The following ACACA variants were observed in gnomAD, a reference collection of about 807,000 sequenced individuals.
ACACA encodes acetyl-CoA carboxylase 1.
In ACACA, 103 loss-of-function variants were observed where a neutral mutation model predicts 296.1. That is an observed-to-expected ratio of 0.35 (90% CI 0.30 to 0.41). The LOEUF (loss-of-function observed/expected upper bound fraction) is 0.41. Among genes scored for constraint, ACACA ranks in the 10% least tolerant of loss-of-function variants. ACACA has a pLI of 1.00. For missense variants in ACACA, 1,554 were observed against 2,989.7 expected, an observed-to-expected ratio of 0.52 and a Z score of 11.20; for synonymous variants, 953 against 1,038.6, an observed-to-expected ratio of 0.92 and a Z score of 1.58.
At chr17:37,316,459 G>C (rs1490691091) in intron 3 of ACACA, among the ~76,000 whole-genome samples, 1 of 151,500 alleles carries the variant, frequency 6.6e-6, no homozygotes, top group Non-Finnish European at 1.5e-5. Context: ...ACTGTTGTGA[G>C]TATTAGAAAT....
chr17:37,345,754 C>G (rs1490282953), intron 1 of ACACA, among the ~76,000 whole-genome samples: 1 of 152,042 alleles, frequency 6.6e-6, no homozygotes, highest in Admixed American at 6.6e-5. Context: ...GAGGGACATT[C>G]TATAAAATAC....
At chr17:37,253,946 G>C (rs909144592) in intron 14 of ACACA, among the ~76,000 whole-genome samples, 2 of 151,990 alleles carry the variant, frequency 1.3e-5, no homozygotes, top group African/African-American at 4.8e-5. Context: ...GCAATGATTT[G>C]CTCATTACTT....
At chr17:37,129,152 G>A (rs927175939) in intron 47 of ACACA, among the ~76,000 whole-genome samples, 4 of 152,202 alleles carry the variant, frequency 2.6e-5, no homozygotes, top group African/African-American at 9.7e-5. Flanking sequence ...CTTAATGGGT[G>A]ATTGGGAAAT....
intron 3 of ACACA, among the ~76,000 whole-genome samples, chr17:37,315,458 C>T (rs1288032453): frequency 2.0e-5 from 3 of 152,136 alleles, no homozygotes; most frequent in African/African-American, 4.8e-5. Flanking sequence ...ATATTAATTA[C>T]CCAGAGTTAG....
chr17:37,238,378 CTCT>C (rs1346316075), intron 24 of ACACA, among the ~76,000 whole-genome samples: 5 of 150,282 alleles, frequency 3.3e-5, no homozygotes, highest in Non-Finnish European at 5.9e-5. Context: ...ACAATGCCTC[CTCT>C]ATCATAAAAT....
intron 1 of ACACA, among the ~76,000 whole-genome samples, chr17:37,363,875 C>A (rs757239413): frequency 1.3e-5 from 2 of 151,948 alleles, no homozygotes; most frequent in African/African-American, 2.4e-5. Context: ...GTAAACCCAG[C>A]ACTTCGGGAG....
At chr17:37,330,077 G>C in intron 3 of ACACA, 96 bp downstream of exon 3, 1 of 1,487,504 alleles carries the variant, frequency 6.7e-7, no homozygotes, top group Non-Finnish European at 9.3e-7. Flanking sequence ...AAAAGGCAAA[G>C]CAGTCTTAGC....
At chr17:37,216,105 G>A in intron 29 of ACACA, among the ~76,000 whole-genome samples, 1 of 137,950 alleles carries the variant, frequency 7.2e-6, no homozygotes, top group African/African-American at 2.8e-5. Flanking sequence ...AGCCTTTAAT[G>A]CTAAGAAGGT....
At chr17:37,268,605 T>C (rs191419813) in intron 10 of ACACA, among the ~76,000 whole-genome samples, 493 of 152,194 alleles carry the variant, frequency 3.2e-3, no homozygotes, top group Non-Finnish European at 5.2e-3. Context: ...TAGCCTCATA[T>C]GTCAGGCTCA....
intron 25 of ACACA, among the ~76,000 whole-genome samples, chr17:37,231,754 A>G (rs183285412): frequency 6.6e-6 from 1 of 152,350 alleles, no homozygotes; most frequent in Admixed American, 6.5e-5. Context: ...GAAGATATGT[A>G]CATTGCCATC....
intron 1 of ACACA, chr17:37,388,869 T>A: frequency 6.5e-7 from 1 of 1,546,008 alleles, no homozygotes; most frequent in South Asian, 1.2e-5. Context: ...CAGCTTGGCA[T>A]AAGGAGAAAA....
intron 45 of ACACA, among the ~76,000 whole-genome samples, chr17:37,138,485 C>G (rs1033929812): frequency 2.6e-5 from 4 of 152,188 alleles, no homozygotes; most frequent in Non-Finnish European, 5.9e-5. Flanking sequence ...AACATATTGG[C>G]TCGGTCTAAT....
chr17:37,327,211 A>G (rs2047663461), intron 3 of ACACA, among the ~76,000 whole-genome samples: 1 of 152,190 alleles, frequency 6.6e-6, no homozygotes, highest in South Asian at 2.1e-4. Context: ...TCATTTTTAT[A>G]GATGACTCCA....
intron 1 of ACACA, among the ~76,000 whole-genome samples, chr17:37,352,565 A>G (rs1164996632): frequency 2.0e-5 from 3 of 151,938 alleles, no homozygotes; most frequent in Non-Finnish European, 4.4e-5. Flanking sequence ...TTAAGAAAAA[A>G]AAAAATAGCC....
At chr17:37,249,249 C>T (rs962409585) in intron 16 of ACACA, among the ~76,000 whole-genome samples, 1 of 152,132 alleles carries the variant, frequency 6.6e-6, no homozygotes, top group African/African-American at 2.4e-5. Flanking sequence ...TTTTGTTTAT[C>T]CAGTCATCCA....
intron 24 of ACACA, 99 bp from the exon 25 acceptor site, chr17:37,235,198 G>A (rs1378824072): frequency 7.0e-7 from 1 of 1,433,904 alleles, no homozygotes; most frequent in Non-Finnish European, 9.7e-7. Flanking sequence ...GACGAGCAGT[G>A]AGAAGAAACA....
chr17:37,139,693 T>C (rs1319431087), intron 45 of ACACA, among the ~76,000 whole-genome samples: 4 of 152,248 alleles, frequency 2.6e-5, no homozygotes. Context: ...AGGTACTGCA[T>C]GGCACTGCAG....
intron 48 of ACACA, among the ~76,000 whole-genome samples, chr17:37,123,102 TTAA>T (rs1001637782): frequency 1.3e-5 from 2 of 152,182 alleles, no homozygotes; most frequent in Non-Finnish European, 2.9e-5. Flanking sequence ...CTATGGAATA[TTAA>T]TAATGTGGTT....
intron 52 of ACACA, among the ~76,000 whole-genome samples, chr17:37,108,816 G>A (rs2073834341): frequency 6.6e-6 from 1 of 152,118 alleles, no homozygotes; most frequent in Non-Finnish European, 1.5e-5. Flanking sequence ...CACTCCTACA[G>A]GCTTTCTCCT....
Sources: allele counts gnomAD v4.1 joint callset (sites outside exome capture counted in the v4.1 genomes callset), GRCh38; gene constraint gnomAD v4.1.1; transcripts MANE v1.5; gene names NCBI Gene and HGNC (gene_info 2026-07-23, HGNC 2026-07-21).